The following CARMIL1 variants were observed in gnomAD, a reference collection of about 807,000 sequenced individuals.
CARMIL1 encodes capping protein regulator and myosin 1 linker 1.
CARMIL1 carries 90 observed loss-of-function variants against 177.1 expected under a neutral mutation model. The observed-to-expected ratio is 0.51, with a 90% confidence interval of 0.43 to 0.61. CARMIL1 has a LOEUF of 0.61. Among genes scored for constraint, CARMIL1 ranks in the 20% least tolerant of loss-of-function variants. The pLI is 0.00. For missense variants in CARMIL1, 1,380 were observed against 1,667.0 expected (o/e 0.83, Z 3.00); for synonymous variants, 577 against 606.2 (o/e 0.95, Z 0.71).
chr6:25,381,088 G>A (rs1791482579), intron 2 of CARMIL1, among the ~76,000 whole-genome samples: 1 of 152,174 alleles, frequency 6.6e-6, no homozygotes, highest in Non-Finnish European at 1.5e-5. Context: ...CTTGATTCCA[G>A]AGGTTGTGTT....
At chr6:25,327,663 C>T (rs1785253043) in intron 2 of CARMIL1, among the ~76,000 whole-genome samples, 2 of 152,132 alleles carry the variant, frequency 1.3e-5, no homozygotes, top group South Asian at 2.1e-4. Context: ...TCTTTTATTA[C>T]TATATTTAAA....
chr6:25,472,607 C>G (rs542734547), intron 11 of CARMIL1, 86 bp downstream of exon 11: 2 of 1,092,860 alleles, frequency 1.8e-6, no homozygotes, highest in East Asian at 5.2e-5. Context: ...AGAGCTGTAT[C>G]AAGCTAAGTT....
intron 12 of CARMIL1, among the ~76,000 whole-genome samples, chr6:25,484,614 A>G (rs916578093): frequency 1.3e-5 from 2 of 152,236 alleles, no homozygotes; most frequent in Non-Finnish European, 2.9e-5. Context: ...TCTGATAATT[A>G]TCAATGTAGT....
intron 3 of CARMIL1, among the ~76,000 whole-genome samples, chr6:25,425,070 T>C (rs1672208228): frequency 6.6e-6 from 1 of 152,238 alleles, no homozygotes. Context: ...AAATTATGTA[T>C]AGATCTTGAT....
rs150582760 is a variant in CARMIL1 at position 25,408,376 on chromosome 6, C to T, written c.139-11738C>T. Among the ~76,000 whole-genome samples, 23 of 150,560 alleles carry T rather than the reference C, an allele frequency of 1.5e-4. No homozygotes were observed. In the East Asian group the frequency reaches 4.5e-3, roughly 29 times the overall value. On this transcript the variant is annotated intron_variant, in intron 2 of 36. Coordinates refer to ENST00000329474, the MANE Select transcript of CARMIL1 (RefSeq NM_017640.6). ...TCGTTTGACATGGTATAATCTCAAG[C>T]AGTAACTAACATGGCCCAGGATATG...
intron 31 of CARMIL1, among the ~76,000 whole-genome samples, chr6:25,592,167 C>T (rs935059611): frequency 2.0e-5 from 3 of 151,994 alleles, no homozygotes; most frequent in Non-Finnish European, 4.4e-5. Context: ...ATCAGGTGAC[C>T]AGTGTGGGTG....
chr6:25,604,754 TCAC>T, intron 33 of CARMIL1, 55 bp from the exon 34 acceptor site: 3 of 1,327,112 alleles, frequency 2.3e-6, no homozygotes, highest in Admixed American at 4.0e-5. Context: ...CATTGTTTTT[TCAC>T]TTTTGCATTA....
chr6:25,528,141 GTAGA>G (rs1189515698), intron 23 of CARMIL1, among the ~76,000 whole-genome samples: 1 of 151,972 alleles, frequency 6.6e-6, no homozygotes, highest in Non-Finnish European at 1.5e-5. Context: ...ATTTTTCATA[GTAGA>G]TAATCTATGT....
At chr6:25,433,514 T>A (rs1796986651) in intron 4 of CARMIL1, among the ~76,000 whole-genome samples, 1 of 152,320 alleles carries the variant, frequency 6.6e-6, no homozygotes, top group East Asian at 1.9e-4. Flanking sequence ...GATTTAGTCT[T>A]ACTTAAAACA....
chr6:25,503,901 C>A (rs1163417181), intron 17 of CARMIL1, among the ~76,000 whole-genome samples: 1 of 151,840 alleles, frequency 6.6e-6, no homozygotes, highest in Admixed American at 6.6e-5. Context: ...GATCATTGTG[C>A]TTGGGGCCGT....
chr6:25,306,901 C>T (rs1471575492), intron 2 of CARMIL1, among the ~76,000 whole-genome samples: 2 of 105,484 alleles, frequency 1.9e-5, no homozygotes, highest in African/African-American at 4.0e-5. Flanking sequence ...TTTTTTTTGA[C>T]GAGTCTCATT....
At chr6:25,364,721 G>C (rs1360413704) in intron 2 of CARMIL1, among the ~76,000 whole-genome samples, 1 of 152,086 alleles carries the variant, frequency 6.6e-6, no homozygotes, top group African/African-American at 2.4e-5. Context: ...CCGCCACCAC[G>C]CCCGGCTAAT....
chr6:25,471,628 A>C (rs1052303922), intron 10 of CARMIL1, among the ~76,000 whole-genome samples: 4 of 152,228 alleles, frequency 2.6e-5, no homozygotes, highest in Non-Finnish European at 5.9e-5. Context: ...TGCTAGGGTA[A>C]ATGAATTAAT....
At chr6:25,536,492 A>G (rs895340860) in intron 24 of CARMIL1, among the ~76,000 whole-genome samples, 7 of 152,040 alleles carry the variant, frequency 4.6e-5, no homozygotes, top group Non-Finnish European at 1.5e-5. Flanking sequence ...ACCTCAATAT[A>G]TTTTACAGCA....
rs1185879334 is a variant in CARMIL1 at position 25,610,125 on chromosome 6, A to G, written c.3923A>G (p.Lys1308Arg). 1 of 1,613,932 alleles carries G rather than the reference A, an allele frequency of 6.2e-7. No individual in the cohort carries two copies. Among genetic ancestry groups the G allele is most frequent in the Non-Finnish European group, 8.5e-7 (1 of 1,179,870 alleles). The change falls in exon 36 of 37, where the codon AAA becomes AGA. Residue 1308 changes from lysine to arginine, a missense_variant. By Grantham distance (26) the Lys-to-Arg change is conservative. Coordinates refer to ENST00000329474, the MANE Select transcript of CARMIL1 (RefSeq NM_017640.6). ...PPVLKKVPSDKERDGQSSPQP... is the reference protein window; with the variant it reads ...PPVLKKVPSDRERDGQSSPQP... Reference sequence around the variant, plus strand: ...GTCCTGAAAAAAGTTCCTTCAGACAAAGAGAGAGATGGCCAGAGTAGCCCC... The same window carrying G: ...GTCCTGAAAAAAGTTCCTTCAGACAGAGAGAGAGATGGCCAGAGTAGCCCC...
Position 25,552,463 on chromosome 6 carries a change from C to T in CARMIL1, c.2504+1378C>T, listed in dbSNP as rs1025779365. Among the ~76,000 whole-genome samples, 6 of 152,230 alleles carry T rather than the reference C, an allele frequency of 3.9e-5. No homozygotes were observed. In the South Asian group the frequency reaches 6.2e-4, roughly 16 times the overall value. ...CAATTTTATGTCCATTAACTCCATA[C>T]TTGGCTTTTTATAATGCATTATACT... On this transcript the variant is annotated intron_variant, in intron 27 of 36. Coordinates refer to ENST00000329474, the MANE Select transcript of CARMIL1 (RefSeq NM_017640.6).
rs577654005 is a variant in CARMIL1, at chr6:25,368,035, C to T, written c.139-52079C>T. Among the ~76,000 whole-genome samples, 3 of 152,346 alleles carry T rather than the reference C, an allele frequency of 2.0e-5. No individual in the cohort carries two copies. The South Asian group carries it at 6.2e-4, about 32-fold the overall frequency. On this transcript the variant is annotated intron_variant, in intron 2 of 36. Transcript: ENST00000329474. ...TTGACCTCCCAAAGTGTTGGGATTA[C>T]AGGCGTGAGCCACCGCACCCGGCTG...
At chr6:25,611,514 T>C (rs1296763004) in intron 36 of CARMIL1, among the ~76,000 whole-genome samples, 3 of 149,594 alleles carry the variant, frequency 2.0e-5, no homozygotes, top group African/African-American at 4.9e-5. Context: ...TAATTTTCCA[T>C]CCTTTCTGCA....
rs900503964 is a variant in CARMIL1, at chr6:25,556,653, A to T, written c.2593-48A>T. On this transcript the variant is annotated intron_variant, in intron 28 of 36. Coordinates refer to ENST00000329474, the MANE Select transcript of CARMIL1 (RefSeq NM_017640.6). ...GTCTTCAGGAATCCTGCTAACCAGC[A>T]CTTTCTCTGTACTTTAATTTCTCCT... 1.0e-5 allele frequency: 16 copies of T among 1,564,102 alleles called. No homozygotes were observed. In the African/African-American group the frequency reaches 1.1e-4, roughly 11 times the overall value.
Sources: gnomAD v4.1 joint callset for allele counts (sites outside exome capture counted in the v4.1 genomes callset) on GRCh38, gnomAD v4.1.1 for gene constraint, MANE v1.5 for transcripts, NCBI Gene and HGNC (gene_info 2026-07-23, HGNC 2026-07-21) for gene names.